PRKG1: variants seen among roughly 807,000 people sequenced by gnomAD.
PRKG1 encodes the protein cGMP-dependent protein kinase 1.
A neutral mutation model predicts 88.1 loss-of-function variants in PRKG1; 35 were observed. That is an observed-to-expected ratio of 0.40 (90% CI 0.30 to 0.53). The LOEUF (loss-of-function observed/expected upper bound fraction) is 0.53, where lower values mean the gene tolerates loss of function less well. Among genes scored for constraint, PRKG1 ranks in the 20% least tolerant of loss-of-function variants. The pLI is 0.59. For missense variants in PRKG1, 540 were observed against 839.8 expected (o/e 0.64, Z 4.41); for synonymous variants, 303 against 292.5 (o/e 1.04, Z -0.37).
At chr10:51,645,118 A>G (rs954697937) in intron 3 of PRKG1, among the ~76,000 whole-genome samples, 1 of 152,292 alleles carries the variant, frequency 6.6e-6, no homozygotes, top group East Asian at 1.9e-4. Context: ...TGCCGCACCC[A>G]GCATCTTGGT....
intron 7 of PRKG1, among the ~76,000 whole-genome samples, chr10:52,127,231 G>T (rs1847951224): frequency 6.6e-6 from 1 of 152,164 alleles, no homozygotes; most frequent in Non-Finnish European, 1.5e-5. Flanking sequence ...CTAGGTGAGT[G>T]CAATAATGCT....
At position 51,570,067 on chromosome 10, in the gene PRKG1, A is replaced by ATATG. The variant is rs1491310201; in HGVS notation, c.592+102232_592+102233insATGT. ...CAAACTAGTATATATATATATATAT[A>ATATG]TGTGTGTGTGTGTTTATATATGTAT... On this transcript the variant is annotated intron_variant, in intron 3 of 17. Transcript: ENST00000373980. 1.2e-4 allele frequency among the ~76,000 whole-genome samples: 14 copies of ATATG among 113,102 alleles called. 1 individual carries two copies. The highest frequency in any genetic ancestry group is 3.2e-4 in the African/African-American group (9 of 27,796). 74.2% of individuals were successfully genotyped at this position (113,102 alleles called of 152,430 possible).
At chr10:51,329,783 C>T (rs1448476020) in intron 2 of PRKG1, among the ~76,000 whole-genome samples, 5 of 152,054 alleles carry the variant, frequency 3.3e-5, no homozygotes, top group African/African-American at 1.2e-4. Flanking sequence ...CCCACTCTCT[C>T]CTGGCCTGTA....
chr10:51,695,789 G>T (rs1320009864), intron 3 of PRKG1: 1 of 152,074 alleles, frequency 6.6e-6, no homozygotes, highest in African/African-American at 2.4e-5. Flanking sequence ...TGCAAACAAA[G>T]AATTACTAAT....
At chr10:51,788,256 C>T (rs1000358397) in intron 3 of PRKG1, among the ~76,000 whole-genome samples, 1 of 152,268 alleles carries the variant, frequency 6.6e-6, no homozygotes, top group Non-Finnish European at 1.5e-5. Flanking sequence ...ATACAATCAA[C>T]CTCTGCATTC....
At chr10:51,719,007 A>T (rs963575887) in intron 3 of PRKG1, among the ~76,000 whole-genome samples, 2 of 152,160 alleles carry the variant, frequency 1.3e-5, no homozygotes, top group Admixed American at 6.5e-5. Flanking sequence ...TTATCTGGGC[A>T]TGGTGGCAAG....
chr10:51,465,470 C>G (rs1005979173), intron 2 of PRKG1, among the ~76,000 whole-genome samples: 1 of 152,058 alleles, frequency 6.6e-6, no homozygotes, highest in South Asian at 2.1e-4. Context: ...ATCTATAGGT[C>G]AAGAAAATTT....
intron 7 of PRKG1, among the ~76,000 whole-genome samples, chr10:52,105,802 C>A (rs1176677885): frequency 6.6e-6 from 1 of 151,760 alleles, no homozygotes; most frequent in Non-Finnish European, 1.5e-5. Context: ...AAATTTGTTT[C>A]TTTTCAATGC....
intron 1 of PRKG1, among the ~76,000 whole-genome samples, chr10:51,007,956 C>G (rs1369797669): frequency 6.6e-6 from 1 of 152,182 alleles, no homozygotes; most frequent in Non-Finnish European, 1.5e-5. Flanking sequence ...TCCATGTGCT[C>G]TGTACAGAGG....
chr10:51,316,541 G>T lies in PRKG1; in HGVS notation c.479-151182G>T, dbSNP rs182851701. Among the ~76,000 whole-genome samples the T allele has an allele frequency of 3.8e-3, 578 of 152,180 alleles. 4 individuals are homozygous for T. The highest frequency in any genetic ancestry group is 0.012 in the African/African-American group (513 of 41,524). ...TACTAAAAATACAAAAATTAGCCAG[G>T]CCTGATGGCGGGCACCTGTAATCCC... On this transcript the variant is annotated intron_variant, in intron 2 of 17. Transcript: ENST00000373980.
chr10:51,674,754 G>A (rs897999218), intron 3 of PRKG1, among the ~76,000 whole-genome samples: 8 of 152,144 alleles, frequency 5.3e-5, no homozygotes, highest in African/African-American at 7.2e-5. Flanking sequence ...AACCCGAGAC[G>A]TTCTAGCATA....
chr10:52,015,487 G>A (rs542260980), intron 5 of PRKG1, among the ~76,000 whole-genome samples: 98 of 152,336 alleles, frequency 6.4e-4, no homozygotes, highest in African/African-American at 2.3e-3. Flanking sequence ...ACCTGTGATG[G>A]CAGGGGCTGC....
chr10:51,535,842 C>G (rs1227336248), intron 3 of PRKG1, among the ~76,000 whole-genome samples: 1 of 151,678 alleles, frequency 6.6e-6, no homozygotes. Context: ...CCTGTCTCAG[C>G]CTCCTGAGTA....
chr10:52,000,183 T>C (rs1224208981), intron 5 of PRKG1, among the ~76,000 whole-genome samples: 7 of 152,078 alleles, frequency 4.6e-5, no homozygotes, highest in African/African-American at 1.7e-4. Context: ...TGATACATAT[T>C]TGACTTCTGT....
intron 1 of PRKG1, among the ~76,000 whole-genome samples, chr10:51,126,103 ATATATAAT>A (rs564576259): frequency 0.2 from 23,620 of 119,624 alleles, 2,600 homozygotes; most frequent in Admixed American, 0.24. Flanking sequence ...ATAATATACT[ATATATAAT>A]TATATAATTA....
rs905485807 is a variant in PRKG1, at chr10:51,441,317, G to T, written c.479-26406G>T. Among the ~76,000 whole-genome samples the T allele has an allele frequency of 3.9e-5, 6 of 152,090 alleles. 1 individual carries two copies. The highest frequency in any genetic ancestry group is 2.0e-4 in the Admixed American group (3 of 15,254). On this transcript the variant is annotated intron_variant, in intron 2 of 17. Transcript: ENST00000373980. Reference sequence around the variant, plus strand: ...ACTTATCAAAGAGAAACTAAAGCATGGAAGAAGAGAATGTCATTGTCAGCT... The same window carrying T: ...ACTTATCAAAGAGAAACTAAAGCATTGAAGAAGAGAATGTCATTGTCAGCT...
chr10:51,909,491 A>G (rs1033137872), intron 5 of PRKG1: 1 of 152,242 alleles, frequency 6.6e-6, no homozygotes, highest in African/African-American at 2.4e-5. Flanking sequence ...ATTTACATAT[A>G]CGAAGACATA....
intron 2 of PRKG1, among the ~76,000 whole-genome samples, chr10:51,373,501 G>A (rs563207814): frequency 8.9e-4 from 135 of 152,156 alleles, no homozygotes; most frequent in African/African-American, 3.0e-3. Flanking sequence ...ATAGATAAAC[G>A]TGTGCCATGG....
At chr10:51,360,767 G>A (rs2132585996) in intron 2 of PRKG1, among the ~76,000 whole-genome samples, 1 of 151,968 alleles carries the variant, frequency 6.6e-6, no homozygotes, top group South Asian at 2.1e-4. Context: ...TTAGTAGTAG[G>A]TGGTTGAGCC....
Sources: gnomAD v4.1 joint callset for allele counts (sites outside exome capture counted in the v4.1 genomes callset) on GRCh38, gnomAD v4.1.1 for gene constraint, MANE v1.5 for transcripts, NCBI Gene and HGNC (gene_info 2026-07-23, HGNC 2026-07-21) for gene names.